The following PLPPR5 variants were observed in gnomAD, a reference collection of about 807,000 sequenced individuals.
PLPPR5 encodes phospholipid phosphatase related 5, also known as phospholipid phosphatase-related protein type 5.
A neutral mutation model predicts 33.9 loss-of-function variants in PLPPR5; 16 were observed. The observed-to-expected ratio is 0.47, with a 90% CI of 0.32 to 0.72. PLPPR5 has a LOEUF of 0.72. PLPPR5 is among the 30% of genes least tolerant of loss of function. PLPPR5 has a pLI of 0.03. For synonymous variants in PLPPR5, 163 were observed against 150.3 expected, an observed-to-expected ratio of 1.08 and a Z score of -0.62; for missense variants, 301 against 406.7, an observed-to-expected ratio of 0.74 and a Z score of 2.23.
chr1:98,909,932 C>T (rs1570688741), intron 5 of PLPPR5, among the ~76,000 whole-genome samples: 1 of 152,128 alleles, frequency 6.6e-6, no homozygotes, highest in Non-Finnish European at 1.5e-5. Context: ...ATATACTTGT[C>T]TTCCAGAAAA....
intron 1 of PLPPR5, among the ~76,000 whole-genome samples, chr1:98,981,279 C>T (rs1652055473): frequency 6.6e-6 from 1 of 151,978 alleles, no homozygotes; most frequent in African/African-American, 2.4e-5. Flanking sequence ...TGACTTCAAC[C>T]TCTCAGTATC....
At chr1:98,915,356 T>C (rs1447013823) in intron 4 of PLPPR5, among the ~76,000 whole-genome samples, 1 of 152,130 alleles carries the variant, frequency 6.6e-6, no homozygotes, top group Non-Finnish European at 1.5e-5. Context: ...ATAATAAACC[T>C]TCTACAATTG....
At chr1:98,904,397 A>C (rs1467868931) in intron 5 of PLPPR5, among the ~76,000 whole-genome samples, 1 of 151,552 alleles carries the variant, frequency 6.6e-6, no homozygotes, top group African/African-American at 2.4e-5. Flanking sequence ...CAAATTAGCC[A>C]GGAGTGGTTA....
At chr1:99,000,366 C>T (rs1267831886) in intron 1 of PLPPR5, among the ~76,000 whole-genome samples, 1 of 152,018 alleles carries the variant, frequency 6.6e-6, no homozygotes. Flanking sequence ...TGTCCTAAAC[C>T]ACCACCCATC....
chr1:98,920,010 C>A (rs919270053), intron 4 of PLPPR5, among the ~76,000 whole-genome samples: 9 of 152,166 alleles, frequency 5.9e-5, no homozygotes, highest in Admixed American at 5.9e-4. Flanking sequence ...ATTATATAGT[C>A]AGTTTTTACA....
chr1:98,949,630 T>C (rs1326153631), intron 3 of PLPPR5, among the ~76,000 whole-genome samples: 1 of 152,234 alleles, frequency 6.6e-6, no homozygotes, highest in Non-Finnish European at 1.5e-5. Context: ...TTCATGAGAC[T>C]GCATTAGTTT....
intron 5 of PLPPR5, among the ~76,000 whole-genome samples, chr1:98,900,627 T>A (rs538625237): frequency 6.6e-6 from 1 of 152,202 alleles, no homozygotes; most frequent in Non-Finnish European, 1.5e-5. Flanking sequence ...CTTTAACCTA[T>A]AAAATTGGCT....
At chr1:98,985,438 A>C (rs1400911697) in intron 1 of PLPPR5, among the ~76,000 whole-genome samples, 1 of 152,082 alleles carries the variant, frequency 6.6e-6, no homozygotes, top group Non-Finnish European at 1.5e-5. Context: ...TAGTGATATT[A>C]TACCATCATA....
chr1:98,923,219 T>C (rs1274277905), intron 3 of PLPPR5, among the ~76,000 whole-genome samples: 1 of 152,238 alleles, frequency 6.6e-6, no homozygotes, highest in Non-Finnish European at 1.5e-5. Flanking sequence ...CATAAGTTTA[T>C]GTATTATTTT....
chr1:98,922,165 G>T, intron 3 of PLPPR5, 107 bp from the exon 4 acceptor site: 1 of 985,340 alleles, frequency 1.0e-6, no homozygotes, highest in South Asian at 1.8e-5. Context: ...ATATACGCCT[G>T]TATGATTCAA....
At chr1:98,922,663 C>T (rs1649610244) in intron 3 of PLPPR5, among the ~76,000 whole-genome samples, 1 of 152,142 alleles carries the variant, frequency 6.6e-6, no homozygotes, top group Non-Finnish European at 1.5e-5. Context: ...TGTTTAACTA[C>T]ATTTTATCAG....
intron 1 of PLPPR5, among the ~76,000 whole-genome samples, chr1:98,960,053 T>G (rs1557684382): frequency 1.6e-4 from 25 of 152,032 alleles, no homozygotes. Flanking sequence ...TCCAAGGGTA[T>G]GTCTAATTCA....
chr1:98,902,924 T>C (rs1648749835), intron 5 of PLPPR5, among the ~76,000 whole-genome samples: 1 of 152,130 alleles, frequency 6.6e-6, no homozygotes, highest in Non-Finnish European at 1.5e-5. Context: ...GCCTGTTAGA[T>C]AACTGAAGGG....
chr1:98,922,861 T>G (rs1458604042), intron 3 of PLPPR5, among the ~76,000 whole-genome samples: 1 of 152,096 alleles, frequency 6.6e-6, no homozygotes. Flanking sequence ...GGCGGGCACC[T>G]GTAGGCCCAG....
chr1:98,995,276 C>A (rs1652589056), intron 1 of PLPPR5, among the ~76,000 whole-genome samples: 1 of 151,824 alleles, frequency 6.6e-6, no homozygotes, highest in Non-Finnish European at 1.5e-5. Context: ...TATATGGACA[C>A]AAAGAAGGAA....
At chr1:99,005,550 C>G (rs929261542), upstream of PLPPR5, among the ~76,000 whole-genome samples, 3 of 152,190 alleles carry the variant, frequency 2.0e-5, no homozygotes, top group Admixed American at 6.5e-5. Context: ...TGTACAGCGG[C>G]CCCTTCCTGG....
chr1:98,956,603 A>C lies in PLPPR5; in HGVS notation c.370+6T>G. Reference sequence around the variant, plus strand: ...AAATATTAAAAATAATTTAATGAACACATACCAAGAAATCGGACAGTTCGG... The same window carrying C: ...AAATATTAAAAATAATTTAATGAACCCATACCAAGAAATCGGACAGTTCGG... On this transcript the variant is annotated splice_donor_region_variant and intron_variant, in intron 2 of 5. Transcript: ENST00000263177. 1 of 1,572,500 alleles carries C rather than the reference A, an allele frequency of 6.4e-7. No individual in the cohort carries two copies. The highest frequency in any genetic ancestry group is 8.6e-7 in the Non-Finnish European group (1 of 1,165,198).
At chr1:98,987,333 T>G (rs867297526) in intron 1 of PLPPR5, among the ~76,000 whole-genome samples, 1 of 151,846 alleles carries the variant, frequency 6.6e-6, no homozygotes, top group Non-Finnish European at 1.5e-5. Flanking sequence ...TGATTTTTCT[T>G]TAAGTGATAT....
At chr1:98,940,041 G>A (rs1452556435) in intron 3 of PLPPR5, among the ~76,000 whole-genome samples, 2 of 151,902 alleles carry the variant, frequency 1.3e-5, no homozygotes, top group Non-Finnish European at 2.9e-5. Context: ...GTGGAATAGA[G>A]TGATCAAATG....
Sources: allele counts gnomAD v4.1 joint callset (sites outside exome capture counted in the v4.1 genomes callset), GRCh38; gene constraint gnomAD v4.1.1; transcripts MANE v1.5; gene names NCBI Gene and HGNC (gene_info 2026-07-23, HGNC 2026-07-21).